SPIDR: variants seen among roughly 807,000 people sequenced by gnomAD.
SPIDR encodes the protein scaffold protein involved in DNA repair, also known as DNA repair-scaffolding protein.
Under a neutral mutation model 104.6 loss-of-function variants are expected in SPIDR, and 93 were observed. The observed-to-expected ratio is 0.89, with a 90% confidence interval of 0.75 to 1.06. SPIDR has a LOEUF of 1.06. Among genes scored for constraint, SPIDR ranks in the 50% least tolerant of loss-of-function variants. SPIDR has a pLI of 0.00. For synonymous variants in SPIDR, 431 were observed against 416.9 expected (o/e 1.03, Z -0.41); for missense variants, 1,154 against 1,111.2 (o/e 1.04, Z -0.55).
chr8:47,448,701 A>T, intron 8 of SPIDR, among the ~76,000 whole-genome samples: 1 of 151,934 alleles, frequency 6.6e-6, no homozygotes, highest in East Asian at 1.9e-4. Flanking sequence ...TGGGGAGACT[A>T]CAGACCGAGA....
chr8:47,697,356 G>A (rs1196839276), intron 11 of SPIDR, among the ~76,000 whole-genome samples: 1 of 151,676 alleles, frequency 6.6e-6, no homozygotes, highest in African/African-American at 2.4e-5. Context: ...AATTTTCATT[G>A]TGGTAAAATA....
chr8:47,418,305 G>A (rs989615845), intron 7 of SPIDR, among the ~76,000 whole-genome samples: 5 of 152,138 alleles, frequency 3.3e-5, no homozygotes, highest in Admixed American at 6.6e-5. Context: ...TTGTTGAGCA[G>A]TGGTTTGTAG....
chr8:47,726,595 C>T (rs1223718002), intron 16 of SPIDR, among the ~76,000 whole-genome samples: 1 of 152,226 alleles, frequency 6.6e-6, no homozygotes, highest in Non-Finnish European at 1.5e-5. Flanking sequence ...GGCTGAGGCC[C>T]CGTGTGGCCC....
intron 10 of SPIDR, among the ~76,000 whole-genome samples, chr8:47,624,226 C>T (rs2065630397): frequency 6.6e-6 from 1 of 152,226 alleles, no homozygotes; most frequent in Admixed American, 6.5e-5. Flanking sequence ...CTCTGGGACA[C>T]ATTCAAAGCA....
At chr8:47,285,896 A>G (rs1040574334) in intron 3 of SPIDR, among the ~76,000 whole-genome samples, 1 of 152,340 alleles carries the variant, frequency 6.6e-6, no homozygotes, top group African/African-American at 2.4e-5. Context: ...GTGGGCACCC[A>G]GAAATGTTCA....
At chr8:47,572,493 C>G (rs1293414852) in intron 8 of SPIDR, among the ~76,000 whole-genome samples, 1 of 151,930 alleles carries the variant, frequency 6.6e-6, no homozygotes, top group African/African-American at 2.4e-5. Context: ...GAAACCCCAT[C>G]TCTACTAAAA....
At chr8:47,389,661 C>T (rs1386225409) in intron 5 of SPIDR, among the ~76,000 whole-genome samples, 10 of 141,364 alleles carry the variant, frequency 7.1e-5, no homozygotes, top group African/African-American at 2.0e-4. Context: ...TGCATTCCAG[C>T]CTGGGCGACA....
intron 5 of SPIDR, among the ~76,000 whole-genome samples, chr8:47,343,748 GCCA>G (rs2051255115): frequency 6.6e-6 from 1 of 152,086 alleles, no homozygotes; most frequent in African/African-American, 2.4e-5. Context: ...GGCTTCTCCT[GCCA>G]GTCCTTCCCT....
rs549589862 is a variant in SPIDR, at chr8:47,402,853, T to C, written c.777-5008T>C. ...AGAGAATGCTCTCTAATTCATTTTA[T>C]GAGGCCAGCATCATCCTGATACCAA... On this transcript the variant is annotated intron_variant, in intron 6 of 19. Transcript: ENST00000297423. Among the ~76,000 whole-genome samples, 3 of 152,368 alleles carry C rather than the reference T, an allele frequency of 2.0e-5. No individual in the cohort carries two copies. The East Asian group carries it at 5.8e-4, about 29-fold the overall frequency.
At chr8:47,647,530 G>T (rs564041344) in intron 10 of SPIDR, among the ~76,000 whole-genome samples, 1 of 151,706 alleles carries the variant, frequency 6.6e-6, no homozygotes, top group South Asian at 2.1e-4. Context: ...CAGGAGAATC[G>T]CTTGAACTCA....
At chr8:47,345,846 G>A (rs558045212) in intron 5 of SPIDR, among the ~76,000 whole-genome samples, 1 of 152,308 alleles carries the variant, frequency 6.6e-6, no homozygotes, top group South Asian at 2.1e-4. Context: ...TTACTTACCA[G>A]TTTAAGGAGA....
chr8:47,653,127 C>T (rs138580925), intron 10 of SPIDR, among the ~76,000 whole-genome samples: 5 of 152,256 alleles, frequency 3.3e-5, no homozygotes, highest in Admixed American at 2.0e-4. Context: ...GGAATGGAGC[C>T]TCAGGGTTTA....
chr8:47,480,758 T>A (rs1178538462), intron 8 of SPIDR, among the ~76,000 whole-genome samples: 1 of 152,202 alleles, frequency 6.6e-6, no homozygotes, highest in Non-Finnish European at 1.5e-5. Flanking sequence ...CCTGTCCAGA[T>A]GAGCCAAGTG....
chr8:47,597,594 T>G (rs1481059884), intron 9 of SPIDR, among the ~76,000 whole-genome samples: 2 of 152,246 alleles, frequency 1.3e-5, no homozygotes, highest in Non-Finnish European at 2.9e-5. Context: ...ACAACGTTCA[T>G]TTTCTCTATT....
intron 8 of SPIDR, among the ~76,000 whole-genome samples, chr8:47,484,705 T>TTGTTATAAAAGACATCATTGGGA (rs1564101590): frequency 6.6e-6 from 1 of 152,192 alleles, no homozygotes; most frequent in Admixed American, 6.5e-5. Context: ...TAGAAAAGAA[T>TTGTTATAAAAGACATCATTGGGA]TGTTATAAAA....
At chr8:47,720,067 T>C (rs911173270) in intron 16 of SPIDR, among the ~76,000 whole-genome samples, 4 of 152,368 alleles carry the variant, frequency 2.6e-5, no homozygotes, top group Non-Finnish European at 5.9e-5. Context: ...ACTGTCTCTG[T>C]AGTTTGGCCT....
chr8:47,501,806 G>C (rs1477589993), intron 8 of SPIDR, among the ~76,000 whole-genome samples: 28 of 152,212 alleles, frequency 1.8e-4, no homozygotes, highest in Admixed American at 1.8e-3. Context: ...TTATTATTTT[G>C]AGATACGTCC....
At chr8:47,672,186 C>T (rs1205896252) in intron 10 of SPIDR, among the ~76,000 whole-genome samples, 2 of 152,188 alleles carry the variant, frequency 1.3e-5, no homozygotes, top group African/African-American at 4.8e-5. Context: ...GTCTTAAACC[C>T]CTCAGTTCAA....
At chr8:47,458,826 A>G (rs1406443675) in intron 8 of SPIDR, among the ~76,000 whole-genome samples, 1 of 152,118 alleles carries the variant, frequency 6.6e-6, no homozygotes, top group African/African-American at 2.4e-5. Flanking sequence ...GATTTTAATC[A>G]AAAAGGGATG....
Sources: allele counts gnomAD v4.1 joint callset (sites outside exome capture counted in the v4.1 genomes callset), GRCh38; gene constraint gnomAD v4.1.1; transcripts MANE v1.5; gene names NCBI Gene and HGNC (gene_info 2026-07-23, HGNC 2026-07-21).